The following CRPPA variants were observed in gnomAD, a reference collection of about 807,000 sequenced individuals.
The protein encoded by CRPPA is CDP-L-ribitol pyrophosphorylase A.
In CRPPA, 43 loss-of-function variants were observed where a neutral mutation model predicts 52.0. That is an observed-to-expected ratio of 0.83 (90% CI 0.65 to 1.07). CRPPA has a LOEUF of 1.07. CRPPA is among the 50% of genes least tolerant of loss of function. The pLI is 0.00. For missense variants in CRPPA, 629 were observed against 551.7 expected, an observed-to-expected ratio of 1.14 and a Z score of -1.40; for synonymous variants, 250 against 203.5, an observed-to-expected ratio of 1.23 and a Z score of -1.94.
At chr7:16,240,269 T>C (rs923897780) in intron 8 of CRPPA, among the ~76,000 whole-genome samples, 1 of 151,242 alleles carries the variant, frequency 6.6e-6, no homozygotes, top group Non-Finnish European at 1.5e-5. Flanking sequence ...TTAGGTTTTC[T>C]CATTGATTTA....
chr7:16,116,006 A>G (rs940492423), intron 9 of CRPPA, among the ~76,000 whole-genome samples: 1 of 152,214 alleles, frequency 6.6e-6, no homozygotes, highest in African/African-American at 2.4e-5. Context: ...AACACTATAT[A>G]AAGGTTTCCA....
At chr7:16,113,246 A>C (rs1782303016) in intron 9 of CRPPA, among the ~76,000 whole-genome samples, 2 of 152,050 alleles carry the variant, frequency 1.3e-5, no homozygotes, top group African/African-American at 4.8e-5. Flanking sequence ...GAATTACTGA[A>C]ACTGGAGAAA....
At chr7:16,308,433 C>T (rs1784961556) in intron 4 of CRPPA, 90 bp downstream of exon 4, 2 of 719,864 alleles carry the variant, frequency 2.8e-6, no homozygotes, top group Admixed American at 4.2e-5. Flanking sequence ...CCCTTAACTC[C>T]TACTCAATGC....
chr7:16,421,138 A>T lies in CRPPA; in HGVS notation c.185T>A (p.Val62Asp). 1 of 1,323,348 alleles carries T rather than the reference A, an allele frequency of 7.6e-7. No homozygotes were observed. The allele number at this position is 1,323,348 out of a possible 1,614,324, so 82.0% of individuals were successfully genotyped here. A position where few individuals can be genotyped will look rare whatever the true frequency, so the allele number is the denominator to read the frequency against. The change falls in exon 1 of 10, where the codon GTC becomes GAC. Residue 62 changes from valine to aspartate, a missense_variant. Physicochemically the swap from Val to Asp is radical, Grantham distance 152. Coordinates refer to ENST00000407010, the MANE Select transcript of CRPPA (RefSeq NM_001101426.4). The stretch of plus-strand genomic sequence containing the variant: ...GGGGCAGAATTGCTTCGGGGTGGGG[A>T]CCCCCATCCTCTCCCCGCACCCCCC... Reference protein sequence around the residue: ...PAGGCGERMGVPTPKQFCPIL... With the variant: ...PAGGCGERMGDPTPKQFCPIL...
At chr7:16,397,382 T>A (rs1236792728) in intron 2 of CRPPA, among the ~76,000 whole-genome samples, 1 of 151,918 alleles carries the variant, frequency 6.6e-6, no homozygotes, top group African/African-American at 2.4e-5. Flanking sequence ...ACGTGTGACA[T>A]ATGACAGATG....
At chr7:16,130,633 G>T (rs1320475569) in intron 9 of CRPPA, among the ~76,000 whole-genome samples, 1 of 152,066 alleles carries the variant, frequency 6.6e-6, no homozygotes, top group Admixed American at 6.5e-5. Context: ...TTTTCCTTTT[G>T]TACACTAAGT....
chr7:16,150,330 A>T lies in CRPPA; in HGVS notation c.1252-58531T>A, dbSNP rs1783052423. ...TTTAAAATTTATTTTAACTATTAAAATATAACATTTCCTGTCTAATTAAGA... is the reference window on the plus strand; with the variant it reads ...TTTAAAATTTATTTTAACTATTAAATTATAACATTTCCTGTCTAATTAAGA... On this transcript the variant is annotated intron_variant, in intron 9 of 9. Transcript: ENST00000407010. 2.6e-5 allele frequency among the ~76,000 whole-genome samples: 4 copies of T among 152,312 alleles called. No individual in the cohort carries two copies. The South Asian group carries it at 8.3e-4, about 32-fold the overall frequency.
At chr7:16,168,842 A>G (rs139939372) in intron 9 of CRPPA, among the ~76,000 whole-genome samples, 1 of 152,326 alleles carries the variant, frequency 6.6e-6, no homozygotes, top group East Asian at 1.9e-4. Flanking sequence ...CATTAATGAA[A>G]GTAAAGTCTC....
intron 3 of CRPPA, among the ~76,000 whole-genome samples, chr7:16,339,600 T>C (rs184115432): frequency 6.6e-6 from 1 of 152,336 alleles, no homozygotes; most frequent in Non-Finnish European, 1.5e-5. Flanking sequence ...TTCTTAATGG[T>C]GAGAACTCAA....
chr7:16,383,544 A>G (rs536084969), intron 2 of CRPPA, among the ~76,000 whole-genome samples: 1 of 152,130 alleles, frequency 6.6e-6, no homozygotes, highest in African/African-American at 2.4e-5. Context: ...AGGAACACTT[A>G]AGTCTGCAGA....
At chr7:16,200,934 C>T (rs1405400405) in intron 9 of CRPPA, among the ~76,000 whole-genome samples, 3 of 152,102 alleles carry the variant, frequency 2.0e-5, no homozygotes, top group East Asian at 3.8e-4. Flanking sequence ...CAAAAGGAGT[C>T]CTATTCTTGT....
At chr7:16,115,925 T>C (rs1424616366) in intron 9 of CRPPA, among the ~76,000 whole-genome samples, 1 of 152,106 alleles carries the variant, frequency 6.6e-6, no homozygotes, top group African/African-American at 2.4e-5. Context: ...AAGGTAAAGA[T>C]CTTTATTGGA....
chr7:16,122,870 T>C (rs1266344970), intron 9 of CRPPA, among the ~76,000 whole-genome samples: 1 of 152,062 alleles, frequency 6.6e-6, no homozygotes, highest in African/African-American at 2.4e-5. Context: ...TAATTTACAA[T>C]AATTATTTTC....
intron 9 of CRPPA, among the ~76,000 whole-genome samples, chr7:16,152,968 A>G (rs1783105754): frequency 6.6e-6 from 1 of 152,068 alleles, no homozygotes; most frequent in African/African-American, 2.4e-5. Flanking sequence ...GTTGTTCAGC[A>G]TAAATTTTAC....
In CRPPA at chr7:16,286,097, A is replaced by AAAAAAAAAAAT; in HGVS notation, c.836-7872_836-7871insATTTTTTTTTT. ...TATATATATAATATTTAAAAAAAAAAATATATATATATATATATATGCCAA... is the reference window on the plus strand; with the variant it reads ...TATATATATAATATTTAAAAAAAAAAAAAAAAAAAATATATATATATATATATATATGCCAA... On this transcript the variant is annotated intron_variant, in intron 5 of 9. Coordinates refer to ENST00000407010, the MANE Select transcript of CRPPA (RefSeq NM_001101426.4). Among the ~76,000 whole-genome samples, 4 of 39,118 alleles carry AAAAAAAAAAAT rather than the reference A, an allele frequency of 1.0e-4. 1 individual carries two copies. Among genetic ancestry groups the AAAAAAAAAAAT allele is most frequent in the Non-Finnish European group, 1.6e-4 (4 of 24,646 alleles). 25.7% of individuals were successfully genotyped at this position (39,118 alleles called of 152,430 possible).
chr7:16,296,178 T>C (rs567391503), intron 5 of CRPPA, among the ~76,000 whole-genome samples: 1 of 152,232 alleles, frequency 6.6e-6, no homozygotes, highest in South Asian at 2.1e-4. Flanking sequence ...CTAAAATAAA[T>C]TAAGCTTTAA....
At chr7:16,218,598 T>A (rs1218917772) in intron 8 of CRPPA, among the ~76,000 whole-genome samples, 1 of 54,344 alleles carries the variant, frequency 1.8e-5, no homozygotes, top group Non-Finnish European at 3.5e-5. Flanking sequence ...TGGAGGAAGA[T>A]CTACCAAGCA....
intron 5 of CRPPA, among the ~76,000 whole-genome samples, chr7:16,290,008 T>C (rs1397232724): frequency 6.6e-6 from 1 of 152,136 alleles, no homozygotes; most frequent in Non-Finnish European, 1.5e-5. Context: ...AAATCAGTCA[T>C]ATTTTCATAT....
intron 2 of CRPPA, among the ~76,000 whole-genome samples, chr7:16,379,492 T>C (rs965123618): frequency 6.6e-6 from 1 of 152,196 alleles, no homozygotes; most frequent in Non-Finnish European, 1.5e-5. Flanking sequence ...TGGTTCCACA[T>C]GAACTTTAAA....
Sources: allele counts gnomAD v4.1 joint callset (sites outside exome capture counted in the v4.1 genomes callset), GRCh38; gene constraint gnomAD v4.1.1; transcripts MANE v1.5; gene names NCBI Gene and HGNC (gene_info 2026-07-23, HGNC 2026-07-21).